The following ASB18 variants were observed in gnomAD, a reference collection of about 807,000 sequenced individuals.
ASB18 encodes the protein ankyrin repeat and SOCS box protein 18.
In ASB18, 33 loss-of-function variants were observed where a neutral mutation model predicts 33.4. The ratio of observed to expected loss-of-function variants is 0.99; its 90% CI spans 0.75 to 1.32. The LOEUF is 1.32. Among genes scored for constraint, ASB18 ranks in the 40% most tolerant of loss-of-function variants. ASB18 has a pLI of 0.00. For missense variants in ASB18, 694 were observed against 655.5 expected (o/e 1.06, Z -0.64); for synonymous variants, 295 against 307.6 (o/e 0.96, Z 0.43).
rs770131834 is a variant in ASB18, at chr2:236,237,725, G to T, written c.560C>A (p.Ala187Glu). The change falls in exon 3 of 6, where the codon GCG (alanine) becomes GAG (glutamate). Residue 187 changes from alanine (A) to glutamate (E), a missense_variant. Ala to Glu is a moderately radical substitution (Grantham distance 107). Coordinates refer to ENST00000409749, the MANE Select transcript of ASB18 (RefSeq NM_212556.4). The surrounding 1 kb of genome is among the most constrained non-coding windows in gnomAD (Gnocchi z 6.2). ...DPDLLSAEGL[A>E]PLHLCRTAAS... ...GGCCGTGCGGCAGAGGTGCAGAGGC[G>T]CCAGGCCCTCGGCGCTGAGCAGGTC... The T allele has an allele frequency of 1.4e-6, 2 of 1,460,906 alleles. No individual in the cohort carries two copies. The highest frequency in any genetic ancestry group is 3.1e-5 in the East Asian group (1 of 32,590). 90.5% of individuals were successfully genotyped at this position (1,460,906 alleles called of 1,614,324 possible). A position where few individuals can be genotyped will look rare whatever the true frequency, so the allele number is the denominator to read the frequency against.
At chr2:236,206,374 G>A (rs949650054) in intron 4 of ASB18, among the ~76,000 whole-genome samples, 3 of 152,018 alleles carry the variant, frequency 2.0e-5, no homozygotes, top group Non-Finnish European at 4.4e-5. Context: ...CCTCCTCAGG[G>A]TTTCTAGAAA....
chr2:236,239,741 AG>A lies in ASB18; in HGVS notation c.328+1538del, dbSNP rs2060612768. On this transcript the variant is annotated intron_variant, in intron 2 of 5. Transcript: ENST00000409749. The surrounding 1 kb of genome is among the most constrained non-coding windows in gnomAD (Gnocchi z 5.6). ...TACTCAGATCAATCCCTTCCCCACC[AG>A]GGGAGCTGGAATTGGCCACCGGGAA... Among the ~76,000 whole-genome samples the A allele has an allele frequency of 6.6e-6, 1 of 152,170 alleles. No individual in the cohort carries two copies. The highest frequency in any genetic ancestry group is 2.4e-5 in the African/African-American group (1 of 41,434).
rs1217606085 is a variant in ASB18, at chr2:236,204,318, A to AC, written c.1102-7934_1102-7933insG. On this transcript the variant is annotated intron_variant, in intron 4 of 5. Transcript: ENST00000409749. The surrounding 1 kb of genome is among the most constrained non-coding windows in gnomAD (Gnocchi z 5.1). ...CATGTTGACGATGTCTTCCACCTCA[A>AC]TGCAGCCTTCACTTGGCTTTGAGGA... 6.6e-6 allele frequency among the ~76,000 whole-genome samples: 1 copy of AC among 152,080 alleles called. No individual in the cohort carries two copies. The highest frequency in any genetic ancestry group is 1.5e-5 in the Non-Finnish European group (1 of 68,002).
rs61394162 is a variant in ASB18 at position 236,211,507 on chromosome 2, C to T, written c.1101+2855G>A. ...GAAACCTTTTGCCTCGGTAATTCTG[C>T]GCTCCATGGGTGTCTCTTTACATCT... On this transcript the variant is annotated intron_variant, in intron 4 of 5. Coordinates refer to ENST00000409749, the MANE Select transcript of ASB18 (RefSeq NM_212556.4). This position sits in a 1 kb window ranked among gnomAD's most constrained non-coding sequence, Gnocchi z 5.0. 0.066 allele frequency among the ~76,000 whole-genome samples: 9,998 copies of T among 152,292 alleles called. 1,085 individuals are homozygous for T. The highest frequency in any genetic ancestry group is 0.23 in the African/African-American group (9,361 of 41,528).
rs1162932926 is a variant in ASB18 at position 236,226,433 on chromosome 2, GAAGA to G, written c.596+11252_596+11255del. ...AGAGAAGAGAAAATGAAACAAGAAA[GAAGA>G]AAGAGGAGGAAGAAGAGGAAGACAG... On this transcript the variant is annotated intron_variant, in intron 3 of 5. Transcript: ENST00000409749. The surrounding 1 kb of genome is among the most constrained non-coding windows in gnomAD (Gnocchi z 4.8). Among the ~76,000 whole-genome samples, 3 of 148,856 alleles carry G rather than the reference GAAGA, an allele frequency of 2.0e-5. No homozygotes were observed. Among genetic ancestry groups the G allele is most frequent in the African/African-American group, 7.4e-5 (3 of 40,296 alleles).
chr2:236,228,784 C>T lies in ASB18; in HGVS notation c.596+8905G>A, dbSNP rs1394538656. On this transcript the variant is annotated intron_variant, in intron 3 of 5. Transcript: ENST00000409749. This position sits in a 1 kb window ranked among gnomAD's most constrained non-coding sequence, Gnocchi z 5.1. ...AGCAGAAAAAAAAATTAACCTTAGACTAACCACCGATTGACTTCTGATTAA... is the reference window on the plus strand; with the variant it reads ...AGCAGAAAAAAAAATTAACCTTAGATTAACCACCGATTGACTTCTGATTAA... Among the ~76,000 whole-genome samples the T allele has an allele frequency of 6.6e-6, 1 of 152,130 alleles. No homozygotes were observed. The highest frequency in any genetic ancestry group is 2.4e-5 in the African/African-American group (1 of 41,424).
rs1483304534 is a variant in ASB18 at position 236,209,269 on chromosome 2, TCTG to T, written c.1101+5090_1101+5092del. Among the ~76,000 whole-genome samples, 1 of 145,972 alleles carries T rather than the reference TCTG, an allele frequency of 6.9e-6. No homozygotes were observed. The highest frequency in any genetic ancestry group is 1.5e-5 in the Non-Finnish European group (1 of 66,370). ...CAGAGATTTGCAGATGTTTCTAGAA[TCTG>T]CTTTTTTTTTTTTTTTTTAAGACAA... On this transcript the variant is annotated intron_variant, in intron 4 of 5. Coordinates refer to ENST00000409749, the MANE Select transcript of ASB18 (RefSeq NM_212556.4). The surrounding 1 kb of genome is among the most constrained non-coding windows in gnomAD (Gnocchi z 4.4).
rs1576399621 is a variant in ASB18 at position 236,217,394 on chromosome 2, C to T, written c.597-2528G>A. On this transcript the variant is annotated intron_variant, in intron 3 of 5. Transcript: ENST00000409749. This position sits in a 1 kb window ranked among gnomAD's most constrained non-coding sequence, Gnocchi z 5.2. The stretch of plus-strand genomic sequence containing the variant: ...TGAACTCCATCCAGCCTGGGGGCAA[C>T]AGAGCGAGACTCTGTCTCAAAAAAA... 6.9e-6 allele frequency among the ~76,000 whole-genome samples: 1 copy of T among 145,820 alleles called. No individual in the cohort carries two copies. The highest frequency in any genetic ancestry group is 1.5e-5 in the Non-Finnish European group (1 of 67,390).
Position 236,214,987 on chromosome 2 carries a change from C to G in ASB18, c.597-121G>C, listed in dbSNP as rs2106269181. ...AATGAAAAGACATGCTCCGCTCTCC[C>G]ATACCAAGGCGTCAGGAGTTCAAAC... On this transcript the variant is annotated intron_variant, in intron 3 of 5. Coordinates refer to ENST00000409749, the MANE Select transcript of ASB18 (RefSeq NM_212556.4). This position sits in a 1 kb window ranked among gnomAD's most constrained non-coding sequence, Gnocchi z 6.5. 1.5e-6 allele frequency: 1 copy of G among 682,870 alleles called. No homozygotes were observed. The highest frequency in any genetic ancestry group is 1.9e-5 in the African/African-American group (1 of 51,416). The allele number at this position is 682,870 out of a possible 1,614,324, so 42.3% of individuals were successfully genotyped here.
intron 4 of ASB18, among the ~76,000 whole-genome samples, chr2:236,206,791 C>A (rs1039523144): frequency 1.2e-4 from 18 of 152,096 alleles, no homozygotes; most frequent in Admixed American, 1.0e-3. Context: ...GGTGAAGTAG[C>A]CTAGAGATTA....
In ASB18 at chr2:236,238,610, GGTGTGT is replaced by G. The variant is rs149889496; in HGVS notation, c.329-660_329-655del. ...GGTTTGTTTCTTTGCGCTTTTTAGGGGTGTGTGTGTGTGTGTGTGTAGGGTTGCTCT... is the reference window on the plus strand; with the variant it reads ...GGTTTGTTTCTTTGCGCTTTTTAGGGGTGTGTGTGTGTGTAGGGTTGCTCT... On this transcript the variant is annotated intron_variant, in intron 2 of 5. Coordinates refer to ENST00000409749, the MANE Select transcript of ASB18 (RefSeq NM_212556.4). The surrounding 1 kb of genome is among the most constrained non-coding windows in gnomAD (Gnocchi z 5.2). Among the ~76,000 whole-genome samples, 1 of 150,270 alleles carries G rather than the reference GGTGTGT, an allele frequency of 6.7e-6. No homozygotes were observed. Among genetic ancestry groups the G allele is most frequent in the African/African-American group, 2.5e-5 (1 of 40,770 alleles).
At position 236,257,153 on chromosome 2, in the gene ASB18, T is replaced by G. The variant is rs952384054; in HGVS notation, c.205+6988A>C. ...TTTAGCAAGAATTTTGCAATCAGCG[T>G]TAATTAAGAAGATGGGACAATAATT... On this transcript the variant is annotated intron_variant, in intron 1 of 5. Transcript: ENST00000409749. This position sits in a 1 kb window ranked among gnomAD's most constrained non-coding sequence, Gnocchi z 5.5. Among the ~76,000 whole-genome samples the G allele has an allele frequency of 6.6e-6, 1 of 152,258 alleles. No homozygotes were observed. Among genetic ancestry groups the G allele is most frequent in the African/African-American group, 2.4e-5 (1 of 41,470 alleles).
Position 236,237,621 on chromosome 2 carries a change from C to A in ASB18, c.596+68G>T. The A allele has an allele frequency of 1.8e-6, 2 of 1,142,704 alleles. No individual in the cohort carries two copies. The highest frequency in any genetic ancestry group is 2.1e-6 in the Non-Finnish European group (2 of 933,688). The allele number at this position is 1,142,704 out of a possible 1,614,324, so 70.8% of individuals were successfully genotyped here. On this transcript the variant is annotated intron_variant, in intron 3 of 5. Coordinates refer to ENST00000409749, the MANE Select transcript of ASB18 (RefSeq NM_212556.4). The surrounding 1 kb of genome is among the most constrained non-coding windows in gnomAD (Gnocchi z 6.2). Reference sequence around the variant, plus strand: ...GAGGCGGAGGCGGGGTCGGCGGTCTCGTGGGGGGAGGCGGGCGTCTGGTCT... The same window carrying A: ...GAGGCGGAGGCGGGGTCGGCGGTCTAGTGGGGGGAGGCGGGCGTCTGGTCT...
chr2:236,212,690 T>G (rs1187981842), intron 4 of ASB18, among the ~76,000 whole-genome samples: 1 of 152,200 alleles, frequency 6.6e-6, no homozygotes, highest in Non-Finnish European at 1.5e-5. Context: ...AGTGTTGCTA[T>G]CACAGCTCAC....
chr2:236,221,984 T>A lies in ASB18; in HGVS notation c.597-7118A>T, dbSNP rs7589128. On this transcript the variant is annotated intron_variant, in intron 3 of 5. Coordinates refer to ENST00000409749, the MANE Select transcript of ASB18 (RefSeq NM_212556.4). This position sits in a 1 kb window ranked among gnomAD's most constrained non-coding sequence, Gnocchi z 5.6. ...TGGGTGCTGGGCATGTGCCAGCCTATGGGGGCAAGGTTGCAGGGGAGCCTT... is the reference window on the plus strand; with the variant it reads ...TGGGTGCTGGGCATGTGCCAGCCTAAGGGGGCAAGGTTGCAGGGGAGCCTT... Among the ~76,000 whole-genome samples the A allele has an allele frequency of 4.5e-3, 687 of 152,286 alleles. 2 individuals are homozygous for A. The highest frequency in any genetic ancestry group is 0.016 in the African/African-American group (668 of 41,566).
At position 236,257,426 on chromosome 2, in the gene ASB18, A is replaced by C. The variant is rs561469785; in HGVS notation, c.205+6715T>G. Among the ~76,000 whole-genome samples the C allele has an allele frequency of 6.6e-6, 1 of 152,010 alleles. No individual in the cohort carries two copies. The highest frequency in any genetic ancestry group is 1.5e-5 in the Non-Finnish European group (1 of 68,006). On this transcript the variant is annotated intron_variant, in intron 1 of 5. Transcript: ENST00000409749. The surrounding 1 kb of genome is among the most constrained non-coding windows in gnomAD (Gnocchi z 5.5). ...CCTCTCGCTTCCCATTTCTGTTTTTATTCTCCAGCCTAGCACCCCACTTAC... is the reference window on the plus strand; with the variant it reads ...CCTCTCGCTTCCCATTTCTGTTTTTCTTCTCCAGCCTAGCACCCCACTTAC...
chr2:236,209,675 T>C lies in ASB18; in HGVS notation c.1101+4687A>G, dbSNP rs980818801. Among the ~76,000 whole-genome samples the C allele has an allele frequency of 1.3e-5, 2 of 152,216 alleles. No individual in the cohort carries two copies. The highest frequency in any genetic ancestry group is 4.8e-5 in the African/African-American group (2 of 41,446). On this transcript the variant is annotated intron_variant, in intron 4 of 5. Coordinates refer to ENST00000409749, the MANE Select transcript of ASB18 (RefSeq NM_212556.4). This position sits in a 1 kb window ranked among gnomAD's most constrained non-coding sequence, Gnocchi z 4.4. ...TCCATCAGCCCCCTACCTGGTGTGT[T>C]CTCTACGTCGAGCTTAGAAATTCCA... is the stretch of plus-strand genomic sequence containing the variant.
intron 1 of ASB18, among the ~76,000 whole-genome samples, chr2:236,261,674 T>C (rs575718741): frequency 9.8e-5 from 15 of 152,360 alleles, no homozygotes; most frequent in African/African-American, 3.4e-4. Context: ...TACATGTGTA[T>C]GTGTCAGTCT....
chr2:236,197,628 C>T (rs773442588), intron 4 of ASB18, among the ~76,000 whole-genome samples: 8 of 152,078 alleles, frequency 5.3e-5, no homozygotes, highest in Non-Finnish European at 8.8e-5. Flanking sequence ...TCAAGAGCAG[C>T]CTGACCAACA....
Sources: gnomAD v4.1 joint callset for allele counts (sites outside exome capture counted in the v4.1 genomes callset) on GRCh38, gnomAD v4.1.1 for gene constraint, Gnocchi (gnomAD v3.1) non-coding constraint, MANE v1.5 for transcripts, NCBI Gene and HGNC (gene_info 2026-07-23, HGNC 2026-07-21) for gene names.